The following TMTC2 variants were observed in gnomAD, a reference collection of about 807,000 sequenced individuals.
TMTC2 encodes protein O-mannosyl-transferase TMTC2.
Under a neutral mutation model 82.4 loss-of-function variants are expected in TMTC2, and 43 were observed. The observed-to-expected ratio is 0.52, with a 90% CI of 0.41 to 0.67. The LOEUF is 0.67. Ranked by LOEUF, TMTC2 falls within the 30% of genes least tolerant of loss-of-function variation. TMTC2 has a pLI of 0.00. For missense variants in TMTC2, 919 were observed against 1,012.4 expected (o/e 0.91, Z 1.25); for synonymous variants, 408 against 381.9 (o/e 1.07, Z -0.80).
chr12:82,868,574 G>T (rs917135018), intron 2 of TMTC2, among the ~76,000 whole-genome samples: 1 of 151,810 alleles, frequency 6.6e-6, no homozygotes, highest in African/African-American at 2.4e-5. Context: ...GAAAATGGAG[G>T]GGAGACAGGT....
intron 3 of TMTC2, among the ~76,000 whole-genome samples, chr12:82,904,865 C>T (rs1001362883): frequency 2.0e-5 from 3 of 152,082 alleles, no homozygotes; most frequent in Non-Finnish European, 4.4e-5. Flanking sequence ...TCTCTGTTAC[C>T]ATAGCTTTTA....
intron 1 of TMTC2, among the ~76,000 whole-genome samples, chr12:82,757,395 T>C (rs1876395107): frequency 6.6e-6 from 1 of 152,244 alleles, no homozygotes; most frequent in Admixed American, 6.5e-5. Flanking sequence ...CTTGAATGCT[T>C]ACAAAGAGTT....
intron 11 of TMTC2, among the ~76,000 whole-genome samples, chr12:83,103,773 A>G (rs1301453677): frequency 6.6e-6 from 1 of 152,238 alleles, no homozygotes; most frequent in Non-Finnish European, 1.5e-5. Context: ...ATCTTAACTC[A>G]TTCCAGCTTA....
intron 1 of TMTC2, among the ~76,000 whole-genome samples, chr12:82,707,382 T>C (rs1030174547): frequency 6.6e-6 from 1 of 152,138 alleles, no homozygotes; most frequent in Non-Finnish European, 1.5e-5. Flanking sequence ...GGATTTAACA[T>C]AGGAATTTTC....
intron 1 of TMTC2, among the ~76,000 whole-genome samples, chr12:82,749,739 CTT>C (rs71068950): frequency 7.1e-5 from 9 of 127,148 alleles, no homozygotes; most frequent in Non-Finnish European, 7.9e-5. Context: ...TTCTTTCTTT[CTT>C]TTTTTTTTTT....
intron 11 of TMTC2, among the ~76,000 whole-genome samples, chr12:83,126,452 A>G (rs1244126140): frequency 6.6e-6 from 1 of 152,134 alleles, no homozygotes; most frequent in Non-Finnish European, 1.5e-5. Flanking sequence ...GGCTTTAGTC[A>G]TACGTTTCTT....
chr12:82,719,032 A>AATAC (rs1874036449), intron 1 of TMTC2, among the ~76,000 whole-genome samples: 1 of 143,242 alleles, frequency 7.0e-6, no homozygotes, highest in Non-Finnish European at 1.5e-5. Context: ...TATAGAGCTT[A>AATAC]ATACAATTCT....
At chr12:82,983,650 A>C (rs1256583290) in intron 7 of TMTC2, among the ~76,000 whole-genome samples, 2 of 152,066 alleles carry the variant, frequency 1.3e-5, no homozygotes, top group East Asian at 3.9e-4. Flanking sequence ...TTTATATGAA[A>C]AGTAGAAGCT....
At chr12:82,927,766 A>G (rs1208170983) in intron 3 of TMTC2, among the ~76,000 whole-genome samples, 1 of 152,220 alleles carries the variant, frequency 6.6e-6, no homozygotes, top group Non-Finnish European at 1.5e-5. Flanking sequence ...AAGACCCTCC[A>G]CCAGCACAAA....
At position 82,737,524 on chromosome 12, in the gene TMTC2, T is replaced by C. The variant is rs181859712; in HGVS notation, c.83+49855T>C. Among the ~76,000 whole-genome samples the C allele has an allele frequency of 2.6e-5, 4 of 152,314 alleles. No homozygotes were observed. In the East Asian group the frequency reaches 7.7e-4, roughly 29 times the overall value. On this transcript the variant is annotated intron_variant, in intron 1 of 11. Transcript: ENST00000321196. ...ATAGCTGCATTATTAATATATTTAT[T>C]TAAAATGGCTGCCATCTTTATCAAC...
chr12:83,117,154 A>G lies in TMTC2; in HGVS notation c.2332-15056A>G, dbSNP rs1360276732. ...TTATTCTCTTACGTGTGGCTAGCCA[A>G]TTATCCCAGCACCATTTGTTGAACA... is the stretch of plus-strand genomic sequence containing the variant. On this transcript the variant is annotated intron_variant, in intron 11 of 11. Coordinates refer to ENST00000321196, the MANE Select transcript of TMTC2 (RefSeq NM_152588.3). Among the ~76,000 whole-genome samples, 5 of 152,160 alleles carry G rather than the reference A, an allele frequency of 3.3e-5. No homozygotes were observed. In the East Asian group the frequency reaches 9.6e-4, roughly 29 times the overall value.
intron 1 of TMTC2, among the ~76,000 whole-genome samples, chr12:82,743,295 G>GC (rs1875512501): frequency 6.6e-6 from 1 of 151,978 alleles, no homozygotes. Context: ...ACAAAAATTA[G>GC]CTGGGAATGG....
chr12:82,923,208 G>T (rs891260209), intron 3 of TMTC2, among the ~76,000 whole-genome samples: 1 of 152,128 alleles, frequency 6.6e-6, no homozygotes, highest in African/African-American at 2.4e-5. Flanking sequence ...AAGATATCTT[G>T]TTGTTATAAT....
At chr12:82,711,867 A>C (rs1873636556) in intron 1 of TMTC2, among the ~76,000 whole-genome samples, 1 of 152,200 alleles carries the variant, frequency 6.6e-6, no homozygotes, top group Non-Finnish European at 1.5e-5. Context: ...ATAGGAGTAA[A>C]AGGAAAGGTT....
chr12:82,835,048 G>C (rs1565771379), intron 1 of TMTC2, among the ~76,000 whole-genome samples: 1 of 152,012 alleles, frequency 6.6e-6, no homozygotes, highest in Non-Finnish European at 1.5e-5. Flanking sequence ...TTTTAGTAGA[G>C]CTAGGGTGTT....
intron 4 of TMTC2, among the ~76,000 whole-genome samples, chr12:82,958,084 TG>T (rs900323141): frequency 3.9e-5 from 6 of 152,000 alleles, no homozygotes; most frequent in Admixed American, 2.6e-4. Flanking sequence ...AAAACCAGGC[TG>T]GGCACAACGG....
intron 8 of TMTC2, among the ~76,000 whole-genome samples, chr12:82,987,145 C>T (rs1319473103): frequency 6.6e-6 from 1 of 152,050 alleles, no homozygotes; most frequent in African/African-American, 2.4e-5. Flanking sequence ...TTCTAAAATA[C>T]CACTAAAATA....
chr12:82,750,501 A>C (rs1875930575), intron 1 of TMTC2, among the ~76,000 whole-genome samples: 1 of 152,156 alleles, frequency 6.6e-6, no homozygotes, highest in African/African-American at 2.4e-5. Context: ...TTGCATCAGA[A>C]ATAATCAAGT....
intron 1 of TMTC2, among the ~76,000 whole-genome samples, chr12:82,801,366 G>C (rs1878988378): frequency 1.3e-5 from 2 of 152,120 alleles, no homozygotes; most frequent in Admixed American, 6.5e-5. Flanking sequence ...CCCAAAGAGT[G>C]AGCAGCAGCA....
Sources: allele counts gnomAD v4.1 joint callset (sites outside exome capture counted in the v4.1 genomes callset), GRCh38; gene constraint gnomAD v4.1.1; transcripts MANE v1.5; gene names NCBI Gene and HGNC (gene_info 2026-07-23, HGNC 2026-07-21).